KIF13A: variants seen among roughly 807,000 people sequenced by gnomAD.
The protein encoded by KIF13A is kinesin family member 13A, also known as kinesin-like protein KIF13A.
In KIF13A, 79 loss-of-function variants were observed where a neutral mutation model predicts 212.2. The observed-to-expected ratio is 0.37, with a 90% CI of 0.31 to 0.45. The LOEUF (loss-of-function observed/expected upper bound fraction) is 0.45, where lower values mean the gene tolerates loss of function less well. Ranked by LOEUF, KIF13A falls within the 20% of genes least tolerant of loss-of-function variation. The pLI, the probability that KIF13A is intolerant of heterozygous loss-of-function variation, is 1.00. For synonymous variants in KIF13A, 789 were observed against 808.6 expected (o/e 0.98, Z 0.41); for missense variants, 1,901 against 2,209.0 (o/e 0.86, Z 2.79).
rs1311841195 is a variant in KIF13A at position 17,855,768 on chromosome 6, C to T, written c.314-151G>A. On this transcript the variant is annotated intron_variant, in intron 5 of 38. Transcript: ENST00000259711. The surrounding 1 kb of genome is among the most constrained non-coding windows in gnomAD (Gnocchi z 4.1). ...AAACCCTGTTGCTCAGGCTGGAGTGCAGTGGTGTGATCATGGCTCACTACA... is the reference window on the plus strand; with the variant it reads ...AAACCCTGTTGCTCAGGCTGGAGTGTAGTGGTGTGATCATGGCTCACTACA... 6.6e-6 allele frequency among the ~76,000 whole-genome samples: 1 copy of T among 152,214 alleles called. No homozygotes were observed. The highest frequency in any genetic ancestry group is 2.4e-5 in the African/African-American group (1 of 41,462).
rs1762275767 is a variant in KIF13A at position 17,799,109 on chromosome 6, C to A, written c.2790+157G>T. ...CTTTTAGATTTTATTTTAAATATTT[C>A]TAAACTATTTGCATTTGTAATGAGG... is the stretch of plus-strand genomic sequence containing the variant. On this transcript the variant is annotated intron_variant, in intron 22 of 38. Transcript: ENST00000259711. The surrounding 1 kb of genome is among the most constrained non-coding windows in gnomAD (Gnocchi z 4.4). Among the ~76,000 whole-genome samples, 1 of 152,120 alleles carries A rather than the reference C, an allele frequency of 6.6e-6. No homozygotes were observed. The highest frequency in any genetic ancestry group is 1.5e-5 in the Non-Finnish European group (1 of 68,012).
In KIF13A at chr6:17,808,048, G is replaced by T. The variant is rs193213981; in HGVS notation, c.2163+720C>A. ...AAGAGAGCCGTGTATTTGAAGTCAG[G>T]TATCATGAAAAGTCTTCCTTTCTTG... is the stretch of plus-strand genomic sequence containing the variant. On this transcript the variant is annotated intron_variant, in intron 18 of 38. Coordinates refer to ENST00000259711, the MANE Select transcript of KIF13A (RefSeq NM_022113.6). Among the ~76,000 whole-genome samples the T allele has an allele frequency of 4.1e-4, 63 of 152,258 alleles. 1 individual carries two copies. The highest frequency in any genetic ancestry group is 7.2e-4 in the Non-Finnish European group (49 of 68,026).
In KIF13A at chr6:17,809,855, T is replaced by C. The variant is rs1465074883; in HGVS notation, c.2001-925A>G. ...AATGAACTCAAAGCACCTAAATCTC[T>C]ACTCCTCACTCGTCACCTTAGAAAT... is the stretch of plus-strand genomic sequence containing the variant. On this transcript the variant is annotated intron_variant, in intron 17 of 38. Coordinates refer to ENST00000259711, the MANE Select transcript of KIF13A (RefSeq NM_022113.6). This position sits in a 1 kb window ranked among gnomAD's most constrained non-coding sequence, Gnocchi z 4.7. 6.6e-6 allele frequency among the ~76,000 whole-genome samples: 1 copy of C among 152,196 alleles called. No homozygotes were observed. The highest frequency in any genetic ancestry group is 1.5e-5 in the Non-Finnish European group (1 of 68,022).
intron 2 of KIF13A, among the ~76,000 whole-genome samples, chr6:17,979,467 TTAA>T (rs1372068279): frequency 6.6e-6 from 1 of 152,164 alleles, no homozygotes; most frequent in Admixed American, 6.6e-5. Context: ...ACAAAAGCTT[TTAA>T]TAATAATAGT....
chr6:17,881,675 G>T, intron 3 of KIF13A: 1 of 316,796 alleles, frequency 3.2e-6, no homozygotes, highest in Non-Finnish European at 6.2e-6. Context: ...CCAGCCTGGC[G>T]ACAGAGCTAG....
At chr6:17,962,344 T>C (rs548166125) in intron 2 of KIF13A, among the ~76,000 whole-genome samples, 1 of 151,894 alleles carries the variant, frequency 6.6e-6, no homozygotes, top group African/African-American at 2.4e-5. Flanking sequence ...TGGTAATAAA[T>C]TGAAGAACAG....
At position 17,981,263 on chromosome 6, in the gene KIF13A, C is replaced by T. The variant is rs183354625; in HGVS notation, c.146+5791G>A. On this transcript the variant is annotated intron_variant, in intron 2 of 38. Transcript: ENST00000259711. ...AGGGGATAGAAAATAAAAGACATTG[C>T]ATACAGTTAAGAGTATTTTTTCATA... Among the ~76,000 whole-genome samples, 408 of 151,826 alleles carry T rather than the reference C, an allele frequency of 2.7e-3. 3 individuals carry two copies. The highest frequency in any genetic ancestry group is 9.2e-3 in the African/African-American group (380 of 41,434).
In KIF13A at chr6:17,837,466, G is replaced by A. The variant is rs779405488; in HGVS notation, c.942+6C>T. Reference sequence around the variant, plus strand: ...GTTGGAAAAGAACACTAGAGCAATGGATTACCTTAAGCAGCCAAGTGAGGA... The same window carrying A: ...GTTGGAAAAGAACACTAGAGCAATGAATTACCTTAAGCAGCCAAGTGAGGA... On this transcript the variant is annotated splice_donor_region_variant and intron_variant, in intron 10 of 38. Coordinates refer to ENST00000259711, the MANE Select transcript of KIF13A (RefSeq NM_022113.6). The surrounding 1 kb of genome is among the most constrained non-coding windows in gnomAD (Gnocchi z 5.4). The A allele has an allele frequency of 1.3e-6, 2 of 1,586,034 alleles. No homozygotes were observed. The highest frequency in any genetic ancestry group is 8.6e-7 in the Non-Finnish European group (1 of 1,160,728).
At chr6:17,822,552 T>C (rs75695029) in intron 16 of KIF13A, among the ~76,000 whole-genome samples, 7 of 152,176 alleles carry the variant, frequency 4.6e-5, no homozygotes, top group Non-Finnish European at 1.0e-4. Flanking sequence ...TAGTAATTGA[T>C]TCAAATAAGG....
chr6:17,860,015 C>T (rs552279556), intron 4 of KIF13A, among the ~76,000 whole-genome samples: 1 of 152,202 alleles, frequency 6.6e-6, no homozygotes, highest in South Asian at 2.1e-4. Flanking sequence ...TGCCCAAGAT[C>T]TCATTATCAG....
At chr6:17,817,668 G>A (rs1327617436) in intron 16 of KIF13A, among the ~76,000 whole-genome samples, 1 of 151,972 alleles carries the variant, frequency 6.6e-6, no homozygotes, top group African/African-American at 2.4e-5. Context: ...TATCAGTTTT[G>A]GTATACGACA....
intron 16 of KIF13A, among the ~76,000 whole-genome samples, chr6:17,823,603 G>A (rs1435191091): frequency 6.6e-6 from 1 of 151,782 alleles, no homozygotes; most frequent in Non-Finnish European, 1.5e-5. Context: ...AAGTAACTAG[G>A]ATTTCAGGCA....
At chr6:17,840,080 TG>T (rs910345972) in intron 9 of KIF13A, among the ~76,000 whole-genome samples, 4 of 151,926 alleles carry the variant, frequency 2.6e-5, no homozygotes, top group Admixed American at 2.0e-4. Context: ...GGGCTGTGGG[TG>T]GGGGTAATAG....
In KIF13A at chr6:17,850,306, T is replaced by A. The variant is rs1238232982; in HGVS notation, c.717+17A>T. The A allele has an allele frequency of 2.5e-6, 4 of 1,592,668 alleles. No individual in the cohort carries two copies. Among genetic ancestry groups the A allele is most frequent in the Non-Finnish European group, 3.4e-6 (4 of 1,167,554 alleles). ...TCTTCCACCCCCACTCCAAAAAGGT[T>A]CTGCCTAATCCCTTACCCCAGACTG... is the stretch of plus-strand genomic sequence containing the variant. On this transcript the variant is annotated intron_variant, in intron 8 of 38. Transcript: ENST00000259711. This position sits in a 1 kb window ranked among gnomAD's most constrained non-coding sequence, Gnocchi z 6.2.
chr6:17,923,959 G>A (rs1581744885), intron 2 of KIF13A, among the ~76,000 whole-genome samples: 1 of 152,164 alleles, frequency 6.6e-6, no homozygotes. Context: ...CCTCAATCCT[G>A]TTGTATCTTC....
At chr6:17,822,896 C>CGCTA (rs1764589056) in intron 16 of KIF13A, among the ~76,000 whole-genome samples, 1 of 152,240 alleles carries the variant, frequency 6.6e-6, no homozygotes, top group Non-Finnish European at 1.5e-5. Flanking sequence ...ATCTTGACTC[C>CGCTA]TAGCTATGGT....
rs148265400 is a variant in KIF13A at position 17,984,410 on chromosome 6, G to T, written c.146+2644C>A. On this transcript the variant is annotated intron_variant, in intron 2 of 38. Transcript: ENST00000259711. The surrounding 1 kb of genome is among the most constrained non-coding windows in gnomAD (Gnocchi z 5.0). ...ATGTGTCTTAATGTTTCAGAATGGTGATCAGTATACATATCAACTACTAAC... is the reference window on the plus strand; with the variant it reads ...ATGTGTCTTAATGTTTCAGAATGGTTATCAGTATACATATCAACTACTAAC... 270 of 430,512 alleles carry T rather than the reference G, an allele frequency of 6.3e-4. No homozygotes were observed. The highest frequency in any genetic ancestry group is 5.4e-3 in the African/African-American group (251 of 46,552). 26.7% of individuals were successfully genotyped at this position (430,512 alleles called of 1,614,324 possible). A position where few individuals can be genotyped will look rare whatever the true frequency, so the allele number is the denominator to read the frequency against.
rs140802843 is a variant in KIF13A at position 17,951,969 on chromosome 6, T to C, written c.146+35085A>G. Among the ~76,000 whole-genome samples, 26 of 152,322 alleles carry C rather than the reference T, an allele frequency of 1.7e-4. No homozygotes were observed. The East Asian group carries it at 4.4e-3, about 26-fold the overall frequency. ...TAGAAGCAATTTGGCAATTTATATT[T>C]ACAATTTAAATGCTCATAGTCTTTT... is the stretch of plus-strand genomic sequence containing the variant. On this transcript the variant is annotated intron_variant, in intron 2 of 38. Coordinates refer to ENST00000259711, the MANE Select transcript of KIF13A (RefSeq NM_022113.6). This position sits in a 1 kb window ranked among gnomAD's most constrained non-coding sequence, Gnocchi z 4.9.
rs1282997735 is a variant in KIF13A at position 17,764,685 on chromosome 6, G to T, written c.4843C>A (p.Pro1615Thr). The change falls in exon 39 of 39, where the codon CCT becomes ACT. Residue 1615 changes from proline to threonine, a missense_variant. This residue lies in a region of KIF13A where 687 missense variants were observed against 759.1 expected (regional missense o/e 0.90). Transcript: ENST00000259711. This position sits in a 1 kb window ranked among gnomAD's most constrained non-coding sequence, Gnocchi z 5.1. The stretch of plus-strand genomic sequence containing the variant: ...AGCTGGTCTGAGCTGTCACTAGAAG[G>T]GACCACCATGTCAGACAGGGTGGCA... ...SNATLSDMVV[P>T]SSDSSDQLAI... 6.2e-7 allele frequency: 1 copy of T among 1,613,640 alleles called. No homozygotes were observed. Among genetic ancestry groups the T allele is most frequent in the East Asian group, 2.2e-5 (1 of 44,880 alleles).
Sources: gnomAD v4.1 joint callset for allele counts (sites outside exome capture counted in the v4.1 genomes callset) on GRCh38, gnomAD v4.1.1 for gene constraint, gnomAD v4.1.1 regional missense constraint, Gnocchi (gnomAD v3.1) non-coding constraint, MANE v1.5 for transcripts, NCBI Gene and HGNC (gene_info 2026-07-23, HGNC 2026-07-21) for gene names.